Variants in MALRD1 observed in about 807,000 individuals in gnomAD.
MALRD1 encodes the protein MAM and LDL receptor class A domain containing 1.
MALRD1 carries 247 observed loss-of-function variants against 242.1 expected under a neutral mutation model. The observed-to-expected ratio is 1.02, with a 90% CI of 0.92 to 1.13. MALRD1 has a LOEUF of 1.13. MALRD1 is among the 50% of genes most tolerant of loss of function. The pLI is 0.00. For missense variants in MALRD1, 2,989 were observed against 2,533.1 expected, an observed-to-expected ratio of 1.18 and a Z score of -3.86; for synonymous variants, 995 against 866.6, an observed-to-expected ratio of 1.15 and a Z score of -2.60.
At chr10:19,658,096 C>T (rs530191381) in intron 36 of MALRD1, among the ~76,000 whole-genome samples, 7 of 151,954 alleles carry the variant, frequency 4.6e-5, no homozygotes, top group South Asian at 2.1e-4. Flanking sequence ...TGCTGTGAGC[C>T]GAGATCATGC....
intron 36 of MALRD1, among the ~76,000 whole-genome samples, chr10:19,651,198 A>G (rs151294866): frequency 7.2e-5 from 11 of 152,360 alleles, no homozygotes; most frequent in South Asian, 2.1e-4. Context: ...TTAATTAACT[A>G]TCGTGGTTAG....
intron 36 of MALRD1, among the ~76,000 whole-genome samples, chr10:19,663,575 C>T (rs748702695): frequency 4.6e-5 from 7 of 151,842 alleles, no homozygotes; most frequent in Non-Finnish European, 8.8e-5. Flanking sequence ...ATTAGTGGTT[C>T]TAGTTTTAGT....
chr10:19,566,117 T>A (rs1207387897), intron 32 of MALRD1, among the ~76,000 whole-genome samples: 1 of 151,704 alleles, frequency 6.6e-6, no homozygotes, highest in East Asian at 1.9e-4. Context: ...ATAGAATAAA[T>A]TTTGGATATA....
chr10:19,169,667 C>T (rs974896248), intron 13 of MALRD1, among the ~76,000 whole-genome samples: 1 of 152,086 alleles, frequency 6.6e-6, no homozygotes, highest in Non-Finnish European at 1.5e-5. Context: ...TGAAAATATA[C>T]ATGAGGATTC....
intron 36 of MALRD1, among the ~76,000 whole-genome samples, chr10:19,648,714 T>A (rs1057204500): frequency 6.6e-6 from 1 of 152,214 alleles, no homozygotes; most frequent in Non-Finnish European, 1.5e-5. Context: ...TTATTGCAGT[T>A]ACCATCTATT....
chr10:19,730,433 C>G, intron 38 of MALRD1: 2 of 463,882 alleles, frequency 4.3e-6, no homozygotes, highest in South Asian at 2.1e-5. Flanking sequence ...AACATTAAGA[C>G]TAACTTTTGC....
chr10:19,713,630 A>G (rs1834246698), intron 38 of MALRD1, among the ~76,000 whole-genome samples: 1 of 152,242 alleles, frequency 6.6e-6, no homozygotes, highest in Non-Finnish European at 1.5e-5. Flanking sequence ...ACTGCAATTC[A>G]TTTTCAACCC....
intron 36 of MALRD1, among the ~76,000 whole-genome samples, chr10:19,616,780 A>G (rs938788574): frequency 6.6e-6 from 1 of 152,018 alleles, no homozygotes; most frequent in African/African-American, 2.4e-5. Flanking sequence ...TACCAATTAA[A>G]ACAATAACAA....
At chr10:19,515,092 A>T (rs1213956160) in intron 31 of MALRD1, among the ~76,000 whole-genome samples, 2 of 151,884 alleles carry the variant, frequency 1.3e-5, no homozygotes, top group African/African-American at 4.8e-5. Flanking sequence ...AAAAAAAAAA[A>T]TCTTTTTTAC....
At chr10:19,249,580 G>A (rs1839213875) in intron 18 of MALRD1, among the ~76,000 whole-genome samples, 1 of 152,016 alleles carries the variant, frequency 6.6e-6, no homozygotes, top group South Asian at 2.1e-4. Context: ...TGCAGCGCTT[G>A]TGTCCTTCAG....
At chr10:19,204,491 C>A in intron 16 of MALRD1, 78 bp downstream of exon 16, 1 of 868,120 alleles carries the variant, frequency 1.2e-6, no homozygotes, top group Non-Finnish European at 1.8e-6. Context: ...TACCTCTGCA[C>A]TTATTCATTT....
chr10:19,235,816 G>A (rs1838293679), intron 18 of MALRD1, among the ~76,000 whole-genome samples: 2 of 152,042 alleles, frequency 1.3e-5, no homozygotes, highest in South Asian at 4.1e-4. Context: ...TTTGAAGTGG[G>A]AGAAGGAGAG....
chr10:19,579,465 C>A (rs141867433), intron 33 of MALRD1, among the ~76,000 whole-genome samples: 282 of 152,252 alleles, frequency 1.9e-3, no homozygotes, highest in African/African-American at 6.6e-3. Flanking sequence ...ACTTACCATT[C>A]TCAGCCTTTT....
intron 25 of MALRD1, 74 bp downstream of exon 25, chr10:19,348,092 G>A: frequency 6.8e-7 from 1 of 1,476,294 alleles, no homozygotes; most frequent in Non-Finnish European, 9.0e-7. Context: ...TTGACATACG[G>A]AAAACAGAGT....
chr10:19,348,000 G>A lies in MALRD1; in HGVS notation c.4131G>A (p.Lys1377=), dbSNP rs1257526659. 3.2e-6 allele frequency: 5 copies of A among 1,550,096 alleles called. No homozygotes were observed. The Admixed American group carries it at 9.8e-5, about 30-fold the overall frequency. The change falls in exon 25 of 40, where the codon AAG becomes AAA. Residue 1377 remains lysine, a synonymous_variant. Coordinates refer to ENST00000454679, the MANE Select transcript of MALRD1 (RefSeq NM_001142308.3). ...GAATTTCAAGTCCAGTTATAAGTAA[G>A]AGAAGCAAAAACTGCAAGGTATGGG... is the stretch of plus-strand genomic sequence containing the variant. The part of the protein sequence containing the change: ...AARISSPVIS[K]RSKNCKIIFH...
chr10:19,161,897 A>G (rs1033364800), intron 12 of MALRD1, among the ~76,000 whole-genome samples: 4 of 152,024 alleles, frequency 2.6e-5, no homozygotes, highest in African/African-American at 9.7e-5. Flanking sequence ...GCGTGGTAGC[A>G]CGTGCCTGTA....
intron 19 of MALRD1, among the ~76,000 whole-genome samples, chr10:19,268,169 G>A (rs1327540748): frequency 6.6e-6 from 1 of 151,456 alleles, no homozygotes; most frequent in Non-Finnish European, 1.5e-5. Flanking sequence ...TAGAATGCCT[G>A]TAAAGATGGA....
At chr10:19,163,828 TAA>T (rs1834552834) in intron 12 of MALRD1, among the ~76,000 whole-genome samples, 1 of 152,218 alleles carries the variant, frequency 6.6e-6, no homozygotes, top group Non-Finnish European at 1.5e-5. Context: ...AAGTTAAATA[TAA>T]GTTCTGAGCT....
chr10:19,187,248 T>C (rs977902291), intron 14 of MALRD1, among the ~76,000 whole-genome samples: 4 of 152,078 alleles, frequency 2.6e-5, no homozygotes, highest in African/African-American at 9.7e-5. Context: ...CTGACCCTTA[T>C]AATGAGTGAA....
Sources: allele counts gnomAD v4.1 joint callset (sites outside exome capture counted in the v4.1 genomes callset), GRCh38; gene constraint gnomAD v4.1.1; transcripts MANE v1.5; gene names NCBI Gene and HGNC (gene_info 2026-07-23, HGNC 2026-07-21).